The following RABL2A variants were observed in gnomAD, a reference collection of about 807,000 sequenced individuals.
The protein encoded by RABL2A is rab-like protein 2A.
Under a neutral mutation model 30.7 loss-of-function variants are expected in RABL2A, and 17 were observed. The ratio of observed to expected loss-of-function variants is 0.55; its 90% CI spans 0.38 to 0.83. The LOEUF (loss-of-function observed/expected upper bound fraction) is 0.83. RABL2A is among the 40% of genes least tolerant of loss of function. The pLI is 0.00. For synonymous variants in RABL2A, 64 were observed against 101.8 expected (o/e 0.63, Z 2.24); for missense variants, 155 against 272.6 (o/e 0.57, Z 3.04).
Position 113,641,395 on chromosome 2 carries a change from A to G in RABL2A, c.452A>G (p.Lys151Arg). The change falls in exon 7 of 9, where the codon AAG becomes AGG. Residue 151 changes from lysine (K) to arginine (R), a missense_variant. Lys to Arg is a conservative substitution (Grantham distance 26). Transcript: ENST00000683472. Reference protein sequence around the residue: ...VTQKSFNFAKKFSLPLYFVSA... With the variant: ...VTQKSFNFAKRFSLPLYFVSA... ...CAAAAAAGCTTCAATTTTGCCAAGAAGTTCTCCCTGCCCCTGTATTTCGTC... is the reference window on the plus strand; with the variant it reads ...CAAAAAAGCTTCAATTTTGCCAAGAGGTTCTCCCTGCCCCTGTATTTCGTC... 2 of 1,612,512 alleles carry G rather than the reference A, an allele frequency of 1.2e-6. No individual in the cohort carries two copies. The highest frequency in any genetic ancestry group is 1.7e-6 in the Non-Finnish European group (2 of 1,179,434).
chr2:113,640,301 GCAAA>G (rs1274027058), intron 5 of RABL2A: 12 of 153,528 alleles, frequency 7.8e-5, no homozygotes, highest in African/African-American at 2.6e-4. Flanking sequence ...GCATCAATTG[GCAAA>G]TTGATTCCAT....
intron 5 of RABL2A, chr2:113,640,642 G>C: frequency 4.2e-6 from 2 of 480,260 alleles, no homozygotes; most frequent in South Asian, 2.1e-5. Context: ...CTCCCAAAGT[G>C]CTGGGATTAC....
In RABL2A at chr2:113,640,923, T is replaced by C. The variant is rs138731122; in HGVS notation, c.327T>C (p.Tyr109=). 4.8e-4 allele frequency: 767 copies of C among 1,613,856 alleles called. 8 individuals carry two copies. The South Asian group carries it at 7.0e-3, about 15-fold the overall frequency. ...MVFDIQRKVT[Y]RNLSTWYTEL... ...TTGATATACAGAGGAAAGTCACCTATAGGAACCTGAGCACCTGGTATACAG... is the reference window on the plus strand; with the variant it reads ...TTGATATACAGAGGAAAGTCACCTACAGGAACCTGAGCACCTGGTATACAG... Residue 109 remains tyrosine, a synonymous_variant, in exon 6 of 9, where the codon TAT becomes TAC. Coordinates refer to ENST00000683472, the MANE Select transcript of RABL2A (RefSeq NM_001306158.2).
At chr2:113,636,981 T>A (rs1266759290) in intron 5 of RABL2A, among the ~76,000 whole-genome samples, 1 of 142,738 alleles carries the variant, frequency 7.0e-6, no homozygotes, top group Non-Finnish European at 1.5e-5. Flanking sequence ...AGAGCGAGAC[T>A]CTGTCTCAAA....
At chr2:113,636,796 G>A (rs1370645590) in intron 5 of RABL2A, among the ~76,000 whole-genome samples, 29 of 150,868 alleles carry the variant, frequency 1.9e-4, no homozygotes, top group South Asian at 1.1e-3. Context: ...AGACCATCCT[G>A]GCTAACACAG....
chr2:113,636,910 A>G (rs1040806684), intron 5 of RABL2A, among the ~76,000 whole-genome samples: 2 of 151,708 alleles, frequency 1.3e-5, no homozygotes, highest in African/African-American at 4.9e-5. Context: ...AATGGCGTGA[A>G]CCCAGGAGGC....
At chr2:113,636,273 C>T (rs1682683335) in intron 5 of RABL2A, among the ~76,000 whole-genome samples, 1 of 152,098 alleles carries the variant, frequency 6.6e-6, no homozygotes. Context: ...AACCCCAAAA[C>T]TTGGCGGTAC....
intron 2 of RABL2A, among the ~76,000 whole-genome samples, chr2:113,630,201 G>A (rs562339748): frequency 3.0e-4 from 46 of 152,336 alleles, no homozygotes; most frequent in Non-Finnish European, 5.1e-4. Context: ...AAACAAGCCA[G>A]TCTTCATCCA....
At chr2:113,638,584 C>T (rs1683848287) in intron 5 of RABL2A, 1 of 984,666 alleles carries the variant, frequency 1.0e-6, no homozygotes, top group Non-Finnish European at 1.2e-6. Flanking sequence ...TAGGTAGAAA[C>T]AGGCTGGGCG....
chr2:113,637,196 TCTG>T (rs1683224877), intron 5 of RABL2A: 1 of 178,686 alleles, frequency 5.6e-6, no homozygotes, highest in South Asian at 1.8e-4. Flanking sequence ...GCTGCTCTGT[TCTG>T]CTCATTGTCA....
Position 113,642,245 on chromosome 2 carries a change from A to C in RABL2A, c.*116A>C. On this transcript the variant is annotated 3_prime_UTR_variant, in exon 9 of 9. Transcript: ENST00000683472. ...TCCCCTCTTCTACCTCCTGCAACCC[A>C]CCCATCCTATTAGCCTCCCACATTC... The C allele has an allele frequency of 6.8e-7, 1 of 1,481,316 alleles. No homozygotes were observed. The highest frequency in any genetic ancestry group is 2.3e-5 in the Admixed American group (1 of 43,254). The allele number at this position is 1,481,316 out of a possible 1,614,324, so 91.8% of individuals were successfully genotyped here.
intron 2 of RABL2A, among the ~76,000 whole-genome samples, chr2:113,629,068 G>A (rs1679233564): frequency 6.6e-6 from 1 of 151,382 alleles, no homozygotes; most frequent in African/African-American, 2.4e-5. Context: ...GGTAAAGGTG[G>A]TAAAGATGCT....
intron 2 of RABL2A, among the ~76,000 whole-genome samples, chr2:113,631,294 C>T (rs1243489766): frequency 1.3e-5 from 2 of 152,100 alleles, no homozygotes; most frequent in Non-Finnish European, 2.9e-5. Flanking sequence ...TTAGGGTCTT[C>T]CATTACCGTT....
Position 113,642,744 on chromosome 2 carries a change from G to A in RABL2A, c.*615G>A, listed in dbSNP as rs1465156815. The A allele has an allele frequency of 5.2e-6, 1 of 191,652 alleles. No individual in the cohort carries two copies. The highest frequency in any genetic ancestry group is 1.8e-4 in the East Asian group (1 of 5,694). The allele number at this position is 191,652 out of a possible 1,614,324, so 11.9% of individuals were successfully genotyped here. ...CAACCTCTGACTCCCTGGTTCAAAC[G>A]ATTCTCCTGCCTCAGCCTCCCGAGT... On this transcript the variant is annotated 3_prime_UTR_variant, in exon 9 of 9. Coordinates refer to ENST00000683472, the MANE Select transcript of RABL2A (RefSeq NM_001306158.2).
chr2:113,640,900 G>A lies in RABL2A; in HGVS notation c.304G>A (p.Asp102Asn), dbSNP rs1435010309. 6.2e-7 allele frequency: 1 copy of A among 1,613,822 alleles called. No homozygotes were observed. Among genetic ancestry groups the A allele is most frequent in the Admixed American group, 1.7e-5 (1 of 59,992 alleles). ...CTTCCTCTGCCCTTTGCAGGTGTTT[G>A]ATATACAGAGGAAAGTCACCTATAG... Reference protein sequence around the residue: ...HKAHACIMVFDIQRKVTYRNL... With the variant: ...HKAHACIMVFNIQRKVTYRNL... Residue 102 changes from aspartate (D) to asparagine (N), a missense_variant, in exon 6 of 9, where the codon GAT (aspartate) becomes AAT (asparagine). Around this residue, in one of 5 missense-constraint regions of RABL2A, gnomAD observed 82 missense variants for 103.2 expected, o/e 0.79. Coordinates refer to ENST00000683472, the MANE Select transcript of RABL2A (RefSeq NM_001306158.2).
chr2:113,634,757 G>A (rs1311830923), intron 4 of RABL2A: 19 of 487,658 alleles, frequency 3.9e-5, no homozygotes, highest in African/African-American at 2.3e-4. Context: ...TGCGTGTCAC[G>A]TGGGAAACGG....
chr2:113,638,799 T>C (rs1322339235), intron 5 of RABL2A, among the ~76,000 whole-genome samples: 1 of 151,560 alleles, frequency 6.6e-6, no homozygotes, highest in African/African-American at 2.4e-5. Flanking sequence ...GACAGGAGAA[T>C]CGTTTGAACC....
At chr2:113,629,536 A>ATTTTTT (rs796575829) in intron 2 of RABL2A, among the ~76,000 whole-genome samples, 2 of 141,098 alleles carry the variant, frequency 1.4e-5, no homozygotes, top group African/African-American at 5.3e-5. Flanking sequence ...CTGGTTTAGA[A>ATTTTTT]TTTTTTTTTT....
chr2:113,630,531 G>T (rs1470181876), intron 2 of RABL2A, among the ~76,000 whole-genome samples: 1 of 152,124 alleles, frequency 6.6e-6, no homozygotes, highest in African/African-American at 2.4e-5. Flanking sequence ...GTTGTACACG[G>T]CCTCATTTCT....
Sources: gnomAD v4.1 joint callset for allele counts (sites outside exome capture counted in the v4.1 genomes callset) on GRCh38, gnomAD v4.1.1 for gene constraint, gnomAD v4.1.1 regional missense constraint, MANE v1.5 for transcripts, NCBI Gene and HGNC (gene_info 2026-07-23, HGNC 2026-07-21) for gene names.